The following BRCA2 variants were observed in gnomAD, a reference collection of about 807,000 sequenced individuals.
The protein encoded by BRCA2 is BRCA2 DNA repair associated, also known as breast cancer type 2 susceptibility protein.
BRCA2 carries 203 observed loss-of-function variants against 276.7 expected under a neutral mutation model. The ratio of observed to expected loss-of-function variants is 0.73; its 90% CI spans 0.65 to 0.82. The LOEUF (loss-of-function observed/expected upper bound fraction) is 0.82. BRCA2 is among the 40% of genes least tolerant of loss of function. The pLI, the probability that BRCA2 is intolerant of heterozygous loss-of-function variation, is 0.00. For missense variants in BRCA2, 3,920 were observed against 3,915.0 expected (o/e 1.00, Z -0.03); for synonymous variants, 1,289 against 1,338.4 (o/e 0.96, Z 0.81).
At chr13:32,384,466 T>A (rs1023933029) in intron 24 of BRCA2, among the ~76,000 whole-genome samples, 2 of 152,198 alleles carry the variant, frequency 1.3e-5, no homozygotes, top group Admixed American at 6.5e-5. Context: ...CTGCCTTTTT[T>A]AAATGTTTTA....
chr13:32,361,739 G>T (rs1366968326), intron 16 of BRCA2, among the ~76,000 whole-genome samples: 2 of 152,072 alleles, frequency 1.3e-5, no homozygotes, highest in East Asian at 1.9e-4. Flanking sequence ...GCTGTGAGTG[G>T]ATAGATATGA....
At chr13:32,388,723 TAAGTC>T (rs1049136747) in intron 24 of BRCA2, among the ~76,000 whole-genome samples, 1 of 151,404 alleles carries the variant, frequency 6.6e-6, no homozygotes, top group African/African-American at 2.4e-5. Flanking sequence ...GAAAGCCAAT[TAAGTC>T]AAATTGATTA....
rs397507884 is a variant in BRCA2, at chr13:32,329,496, A to T, written c.681+4A>T. 6.3e-7 allele frequency: 1 copy of T among 1,589,052 alleles called. No homozygotes were observed. On this transcript the variant is annotated splice_donor_region_variant and intron_variant, in intron 8 of 26. Transcript: ENST00000380152. ...ATTTCCTCATGATACTACTGCTGTA[A>T]GTAAATATGACATTGATTAGACTGT... is the stretch of plus-strand genomic sequence containing the variant.
In BRCA2 at chr13:32,355,239, C is replaced by A. The variant is rs2137558624; in HGVS notation, c.7386C>A (p.Ser2462=). 1 of 1,612,828 alleles carries A rather than the reference C, an allele frequency of 6.2e-7. No individual in the cohort carries two copies. Among genetic ancestry groups the A allele is most frequent in the South Asian group, 1.1e-5 (1 of 91,030 alleles). Residue 2462 remains serine (S), a synonymous_variant, in exon 14 of 27, where the codon TCC becomes TCA. Coordinates refer to ENST00000380152, the MANE Select transcript of BRCA2 (RefSeq NM_000059.4). ...TTCATCAGTTTAACAAAAACAACTCCAATCAAGCAGTAGCTGTAACTTTCA... is the reference window on the plus strand; with the variant it reads ...TTCATCAGTTTAACAAAAACAACTCAAATCAAGCAGTAGCTGTAACTTTCA... ...NEIHQFNKNN[S]NQAVAVTFTK...
Position 32,326,538 on chromosome 13 carries a change from G to A in BRCA2, c.556G>A (p.Ala186Thr), listed in dbSNP as rs1217007370. ...TPKHISESLG[A>T]EVDPDMSWSS... The stretch of plus-strand genomic sequence containing the variant: ...AAAACATATTTCTGAAAGTCTAGGA[G>A]CTGAGGTGGATCCTGATATGTCTTG... Residue 186 changes from alanine (A) to threonine (T), a missense_variant, in exon 7 of 27, where the codon GCT (alanine) becomes ACT (threonine). Coordinates refer to ENST00000380152, the MANE Select transcript of BRCA2 (RefSeq NM_000059.4). 6.2e-7 allele frequency: 1 copy of A among 1,614,012 alleles called. No homozygotes were observed. The highest frequency in any genetic ancestry group is 8.5e-7 in the Non-Finnish European group (1 of 1,179,912).
Position 32,326,334 on chromosome 13 carries a change from A to G in BRCA2, c.516+52A>G, listed in dbSNP as rs1398888361. ...ATGACTTAGTAATTGAGAATTTGAC[A>G]ATAGCGTTATACCTTTGCCCTGAGA... On this transcript the variant is annotated intron_variant, in intron 6 of 26. Coordinates refer to ENST00000380152, the MANE Select transcript of BRCA2 (RefSeq NM_000059.4). 14 of 1,572,694 alleles carry G rather than the reference A, an allele frequency of 8.9e-6. No individual in the cohort carries two copies. The highest frequency in any genetic ancestry group is 1.2e-5 in the Non-Finnish European group (14 of 1,144,222).
At chr13:32,331,568 A>G (rs888292684) in intron 9 of BRCA2, among the ~76,000 whole-genome samples, 11 of 152,140 alleles carry the variant, frequency 7.2e-5, no homozygotes, top group Non-Finnish European at 1.6e-4. Context: ...GTCTCAATGG[A>G]AAAAAAGAGA....
chr13:32,321,432 T>C (rs147339229), intron 3 of BRCA2, among the ~76,000 whole-genome samples: 280 of 152,330 alleles, frequency 1.8e-3, no homozygotes, highest in Admixed American at 3.1e-3. Flanking sequence ...AGCAGCCATC[T>C]CTGGTTGGTC....
At chr13:32,320,197 C>G (rs1378444071) in intron 3 of BRCA2, among the ~76,000 whole-genome samples, 1 of 152,176 alleles carries the variant, frequency 6.6e-6, no homozygotes, top group Non-Finnish European at 1.5e-5. Context: ...CATTGAATGC[C>G]AAGCTAAAGA....
At chr13:32,358,247 G>T (rs975380119) in intron 16 of BRCA2, among the ~76,000 whole-genome samples, 7 of 152,000 alleles carry the variant, frequency 4.6e-5, no homozygotes, top group Admixed American at 4.6e-4. Context: ...AGGCCGAGGC[G>T]GGTAGATCAC....
intron 24 of BRCA2, chr13:32,385,779 G>A: frequency 5.6e-6 from 1 of 179,750 alleles, no homozygotes; most frequent in Non-Finnish European, 1.2e-5. Context: ...TGTTGTGCAT[G>A]AAACCAGTGG....
rs114789602 is a variant in BRCA2, at chr13:32,325,469, C to T, written c.425+285C>T. Among the ~76,000 whole-genome samples, 476 of 151,576 alleles carry T rather than the reference C, an allele frequency of 3.1e-3. 2 individuals are homozygous for T. Among genetic ancestry groups the T allele is most frequent in the African/African-American group, 0.011 (459 of 41,296 alleles). ...AGTGGTGAAAAGCAGTAAGTCAGTC[C>T]TTGAATTATCAATTTAAAATAAATT... On this transcript the variant is annotated intron_variant, in intron 4 of 26. Transcript: ENST00000380152.
chr13:32,394,956 C>T (rs369336643), intron 25 of BRCA2, 23 bp downstream of exon 25: 11 of 1,613,422 alleles, frequency 6.8e-6, no homozygotes, highest in Non-Finnish European at 9.3e-6. Flanking sequence ...TTCAGCATCA[C>T]CACACATTTT....
At chr13:32,374,628 C>T (rs2072858534) in intron 20 of BRCA2, among the ~76,000 whole-genome samples, 1 of 152,212 alleles carries the variant, frequency 6.6e-6, no homozygotes, top group Non-Finnish European at 1.5e-5. Context: ...GACCTTTGCT[C>T]CAGTTCCCAA....
intron 20 of BRCA2, among the ~76,000 whole-genome samples, chr13:32,375,721 C>T (rs753306109): frequency 2.6e-5 from 4 of 152,090 alleles, no homozygotes; most frequent in South Asian, 4.2e-4. Flanking sequence ...CCACCACGCC[C>T]GGCTAATTTT....
At chr13:32,347,197 T>C (rs548748454) in intron 13 of BRCA2, among the ~76,000 whole-genome samples, 33 of 152,262 alleles carry the variant, frequency 2.2e-4, no homozygotes, top group African/African-American at 7.9e-4. Flanking sequence ...ATTGCAGATA[T>C]TAAAAATATC....
Position 32,339,499 on chromosome 13 carries a change from T to C in BRCA2, c.5144T>C (p.Leu1715Ser), listed in dbSNP as rs1064793634. The change falls in exon 11 of 27, where the codon TTG becomes TCG. Residue 1715 changes from leucine to serine, a missense_variant. Coordinates refer to ENST00000380152, the MANE Select transcript of BRCA2 (RefSeq NM_000059.4). Reference protein sequence around the residue: ...INTADYVGNYLYENNSNSTIA... With the variant: ...INTADYVGNYSYENNSNSTIA... ...ACTGCAGATTATGTAGGAAATTATT[T>C]GTATGAAAATAATTCAAACAGTACT... 3.2e-6 allele frequency: 5 copies of C among 1,583,154 alleles called. No homozygotes were observed. The highest frequency in any genetic ancestry group is 1.7e-4 in the Middle Eastern group (1 of 5,928).
intron 3 of BRCA2, among the ~76,000 whole-genome samples, chr13:32,322,672 C>T (rs1420204153): frequency 6.6e-6 from 1 of 152,230 alleles, no homozygotes; most frequent in African/African-American, 2.4e-5. Context: ...GAACATGTCA[C>T]AGTGCTGCAG....
intron 3 of BRCA2, among the ~76,000 whole-genome samples, chr13:32,319,586 C>T (rs1408158377): frequency 1.3e-5 from 2 of 152,146 alleles, no homozygotes; most frequent in Non-Finnish European, 1.5e-5. Context: ...TGCTGAATTA[C>T]GTCTTTCTTA....
Sources: gnomAD v4.1 joint callset for allele counts (sites outside exome capture counted in the v4.1 genomes callset) on GRCh38, gnomAD v4.1.1 for gene constraint, MANE v1.5 for transcripts, NCBI Gene and HGNC (gene_info 2026-07-23, HGNC 2026-07-21) for gene names.